Variants in CRTC1 observed in about 807,000 individuals in gnomAD.
CRTC1 encodes the protein CREB-regulated transcription coactivator 1.
Under a neutral mutation model 66.1 loss-of-function variants are expected in CRTC1, and 18 were observed. The observed-to-expected ratio is 0.27, with a 90% CI of 0.19 to 0.40. The LOEUF (loss-of-function observed/expected upper bound fraction) is 0.40. Among genes scored for constraint, CRTC1 ranks in the 10% least tolerant of loss-of-function variants. The probability of loss-of-function intolerance (pLI) is 1.00; values close to 1 mark genes in which losing one functional copy is unlikely to be tolerated. For missense variants in CRTC1, 669 were observed against 887.9 expected (o/e 0.75, Z 3.13); for synonymous variants, 416 against 398.8 (o/e 1.04, Z -0.51).
intron 1 of CRTC1, among the ~76,000 whole-genome samples, chr19:18,709,494 G>A (rs960707664): frequency 1.2e-4 from 18 of 152,172 alleles, no homozygotes; most frequent in Non-Finnish European, 1.5e-4. Context: ...CAGGAAGGAG[G>A]GAGCGGGCAG....
chr19:18,759,761 C>G (rs61208526), intron 7 of CRTC1, among the ~76,000 whole-genome samples, 170 bp downstream of exon 7: 2,040 of 152,232 alleles, frequency 0.013, 61 homozygotes, highest in African/African-American at 0.047. Context: ...CACCTCATTC[C>G]CAGGGATGAT....
At chr19:18,702,019 G>C (rs970772274) in intron 1 of CRTC1, among the ~76,000 whole-genome samples, 3 of 150,944 alleles carry the variant, frequency 2.0e-5, no homozygotes, top group Non-Finnish European at 4.4e-5. Flanking sequence ...CTCCTCCCGG[G>C]TTCAAGCAAT....
chr19:18,750,670 G>A (rs1040706583), intron 5 of CRTC1, among the ~76,000 whole-genome samples: 4 of 152,224 alleles, frequency 2.6e-5, no homozygotes, highest in African/African-American at 4.8e-5. Context: ...GCCGTTCACC[G>A]AGTGGGTGGT....
At chr19:18,758,314 C>T (rs1038153523) in intron 6 of CRTC1, among the ~76,000 whole-genome samples, 12 of 149,758 alleles carry the variant, frequency 8.0e-5, no homozygotes, top group Admixed American at 2.7e-4. Context: ...GAGCTGAGAT[C>T]GTGCCACTGC....
Position 18,775,695 on chromosome 19 carries a change from C to A in CRTC1, c.1567C>A (p.Pro523Thr). Residue 523 changes from proline to threonine, a missense_variant, in exon 13 of 14, where the codon CCG (proline) becomes ACG (threonine). Pro to Thr is a conservative substitution (Grantham distance 38). Transcript: ENST00000321949. ...CATCAGCTCCAGCAGCCTGTACAGC[C>A]CGGGCTCCACACTCAACTACTCGCA... ...NAISSSSLYS[P>T]GSTLNYSQAA... The A allele has an allele frequency of 6.2e-7, 1 of 1,612,592 alleles. No individual in the cohort carries two copies. Among genetic ancestry groups the A allele is most frequent in the Non-Finnish European group, 8.5e-7 (1 of 1,179,770 alleles).
chr19:18,751,394 C>T (rs2054360037), intron 5 of CRTC1, among the ~76,000 whole-genome samples: 1 of 151,956 alleles, frequency 6.6e-6, no homozygotes, highest in Admixed American at 6.6e-5. Context: ...AGTGTTTGCA[C>T]GTGCCTGTGG....
rs140305163 is a variant in CRTC1 at position 18,737,970 on chromosome 19, T to C, written c.127-4940T>C. Among the ~76,000 whole-genome samples the C allele has an allele frequency of 5.5e-3, 831 of 152,256 alleles. 6 individuals carry two copies. The highest frequency in any genetic ancestry group is 0.019 in the African/African-American group (785 of 41,528). On this transcript the variant is annotated intron_variant, in intron 1 of 13. Transcript: ENST00000321949. ...CAAATCTGTCTTAATTGACTCATATTATCAGTGAGGCTTCCAGTCAACAGT... is the reference window on the plus strand; with the variant it reads ...CAAATCTGTCTTAATTGACTCATATCATCAGTGAGGCTTCCAGTCAACAGT...
At chr19:18,769,814 C>T (rs2054821974) in intron 10 of CRTC1, among the ~76,000 whole-genome samples, 1 of 152,142 alleles carries the variant, frequency 6.6e-6, no homozygotes, top group Non-Finnish European at 1.5e-5. Flanking sequence ...AAGACGGCTT[C>T]CTGCCCCCAC....
At chr19:18,703,414 A>G (rs1211689493) in intron 1 of CRTC1, among the ~76,000 whole-genome samples, 1 of 152,134 alleles carries the variant, frequency 6.6e-6, no homozygotes, top group African/African-American at 2.4e-5. Flanking sequence ...TTCTCTGGAC[A>G]GGGTTGTGTG....
At position 18,746,755 on chromosome 19, in the gene CRTC1, C is replaced by T. The variant is rs527503221; in HGVS notation, c.382-298C>T. On this transcript the variant is annotated intron_variant, in intron 3 of 13. Transcript: ENST00000321949. ...CTCCACAGCGTCCCCACAGGCCCTA[C>T]TTTCACAGCCCAGAACCCCCTCCCT... is the stretch of plus-strand genomic sequence containing the variant. Among the ~76,000 whole-genome samples the T allele has an allele frequency of 2.6e-4, 39 of 152,290 alleles. 1 individual carries two copies. The highest frequency in any genetic ancestry group is 3.4e-3 in the Middle Eastern group (1 of 294).
chr19:18,773,555 A>G (rs1601017895), intron 11 of CRTC1, among the ~76,000 whole-genome samples: 1 of 152,084 alleles, frequency 6.6e-6, no homozygotes, highest in East Asian at 1.9e-4. Flanking sequence ...GGACAGACCC[A>G]GCTTCAGACC....
At chr19:18,685,878 G>A (rs964550743) in intron 1 of CRTC1, among the ~76,000 whole-genome samples, 6 of 152,118 alleles carry the variant, frequency 3.9e-5, no homozygotes, top group Admixed American at 2.0e-4. Flanking sequence ...CAGTTTCTGC[G>A]TGGGATTGGA....
At chr19:18,696,953 T>C (rs1407902076) in intron 1 of CRTC1, among the ~76,000 whole-genome samples, 4 of 152,006 alleles carry the variant, frequency 2.6e-5, no homozygotes, top group African/African-American at 9.7e-5. Flanking sequence ...GAGTCCTGCT[T>C]CACCTTGGAG....
In CRTC1 at chr19:18,760,106, C is replaced by G; in HGVS notation, c.764C>G (p.Pro255Arg). The part of the protein sequence containing the change: ...SLPDLTNIHF[P>R]SPLPTPLDPE... The stretch of plus-strand genomic sequence containing the variant: ...CCCGACCTGACCAACATCCACTTCC[C>G]CTCCCCGCTCCCGACCCCGCTGGAC... Residue 255 changes from proline to arginine, a missense_variant, in exon 8 of 14, where the codon CCC becomes CGC. Physicochemically the swap from Pro to Arg is moderately radical, Grantham distance 103 (BLOSUM62 -2). Around this residue, in one of 8 missense-constraint regions of CRTC1, gnomAD observed 214 missense variants for 323.4 expected, o/e 0.66. Transcript: ENST00000321949. The surrounding 1 kb of genome is among the most constrained non-coding windows in gnomAD (Gnocchi z 6.2). 6.2e-7 allele frequency: 1 copy of G among 1,613,920 alleles called. No homozygotes were observed. Among genetic ancestry groups the G allele is most frequent in the Non-Finnish European group, 8.5e-7 (1 of 1,179,880 alleles).
chr19:18,742,113 G>A lies in CRTC1; in HGVS notation c.127-797G>A, dbSNP rs529922440. ...CCAGCATCCCCAAGGGCCTCGGGTC[G>A]TGCCACATGGGTCAGGGGCCTCTGT... On this transcript the variant is annotated intron_variant, in intron 1 of 13. Transcript: ENST00000321949. 2.2e-4 allele frequency among the ~76,000 whole-genome samples: 34 copies of A among 152,250 alleles called. No individual in the cohort carries two copies. The East Asian group carries it at 3.3e-3, about 15-fold the overall frequency.
chr19:18,780,776 T>C lies in CRTC1; in HGVS notation c.*3394T>C. The C allele has an allele frequency of 4.6e-6, 1 of 218,770 alleles. No homozygotes were observed. The highest frequency in any genetic ancestry group is 9.2e-6 in the Non-Finnish European group (1 of 108,732). 13.6% of individuals were successfully genotyped at this position (218,770 alleles called of 1,614,324 possible). On this transcript the variant is annotated 3_prime_UTR_variant, in exon 14 of 14. Transcript: ENST00000321949. The stretch of plus-strand genomic sequence containing the variant: ...ACTCCTGGGCTCAAGCAGTCCTCCC[T>C]CCTCGGCCTCCCAAAGTTCTGGGGC...
rs2055024765 is a variant in CRTC1, at chr19:18,777,698, G to A, written c.*316G>A. 5.1e-6 allele frequency: 2 copies of A among 392,446 alleles called. No homozygotes were observed. Among genetic ancestry groups the A allele is most frequent in the South Asian group, 3.0e-5 (1 of 32,910 alleles). 24.3% of individuals were successfully genotyped at this position (392,446 alleles called of 1,614,324 possible). ...CCGGGGCCTGAGCCGTCCCCTGTAA[G>A]ATGCGGGAAGTGTCAGCTCCCGGCG... On this transcript the variant is annotated 3_prime_UTR_variant, in exon 14 of 14. Coordinates refer to ENST00000321949, the MANE Select transcript of CRTC1 (RefSeq NM_015321.3). This position sits in a 1 kb window ranked among gnomAD's most constrained non-coding sequence, Gnocchi z 5.5.
chr19:18,745,392 C>G lies in CRTC1; in HGVS notation c.244-431C>G, dbSNP rs992603357. 2.6e-4 allele frequency among the ~76,000 whole-genome samples: 40 copies of G among 152,330 alleles called. 2 individuals are homozygous for G. The highest frequency in any genetic ancestry group is 2.6e-3 in the Admixed American group (40 of 15,314). The stretch of plus-strand genomic sequence containing the variant: ...TGGAAGCCCCTGGGCTGTCTCTTGG[C>G]AGGCCCCTCCAGGGATGACGTAGGT... On this transcript the variant is annotated intron_variant, in intron 2 of 13. Coordinates refer to ENST00000321949, the MANE Select transcript of CRTC1 (RefSeq NM_015321.3).
chr19:18,729,833 C>G (rs905963476), intron 1 of CRTC1, among the ~76,000 whole-genome samples: 12 of 152,206 alleles, frequency 7.9e-5, no homozygotes, highest in African/African-American at 1.9e-4. Context: ...TGGCCTCCCC[C>G]AGAGGTGGTG....
Sources: gnomAD v4.1 joint callset for allele counts (sites outside exome capture counted in the v4.1 genomes callset) on GRCh38, gnomAD v4.1.1 for gene constraint, gnomAD v4.1.1 regional missense constraint, Gnocchi (gnomAD v3.1) non-coding constraint, MANE v1.5 for transcripts, NCBI Gene and HGNC (gene_info 2026-07-23, HGNC 2026-07-21) for gene names.